The following INTU variants were observed in gnomAD, a reference collection of about 807,000 sequenced individuals.
INTU encodes the protein protein inturned.
Under a neutral mutation model 100.5 loss-of-function variants are expected in INTU, and 68 were observed. The ratio of observed to expected loss-of-function variants is 0.68; its 90% CI spans 0.56 to 0.83. INTU has a LOEUF of 0.83. INTU is among the 40% of genes least tolerant of loss of function. INTU has a pLI of 0.00. For missense variants in INTU, 1,071 were observed against 1,114.7 expected (o/e 0.96, Z 0.56); for synonymous variants, 357 against 395.7 (o/e 0.90, Z 1.16).
intron 8 of INTU, among the ~76,000 whole-genome samples, chr4:127,693,287 T>C (rs1188619107): frequency 1.3e-5 from 2 of 152,168 alleles, no homozygotes; most frequent in African/African-American, 4.8e-5. Context: ...TTTGTAGAGG[T>C]CTTTCACCTC....
Position 127,652,159 on chromosome 4 carries a change from C to G in INTU, c.683-4477C>G, listed in dbSNP as rs1471647406. On this transcript the variant is annotated intron_variant, in intron 2 of 15. Transcript: ENST00000335251. ...TTTTCTAGATATACAATCATGTCGTCTGCAAACAGGGACAATTTGACTTCC... is the reference window on the plus strand; with the variant it reads ...TTTTCTAGATATACAATCATGTCGTGTGCAAACAGGGACAATTTGACTTCC... Among the ~76,000 whole-genome samples, 102 of 128,054 alleles carry G rather than the reference C, an allele frequency of 8.0e-4. 1 individual carries two copies. Among genetic ancestry groups the G allele is most frequent in the African/African-American group, 3.0e-3 (95 of 31,626 alleles). 84.0% of individuals were successfully genotyped at this position (128,054 alleles called of 152,430 possible). A position where few individuals can be genotyped will look rare whatever the true frequency, so the allele number is the denominator to read the frequency against.
intron 9 of INTU, among the ~76,000 whole-genome samples, chr4:127,701,683 C>G (rs545175873): frequency 1.3e-5 from 2 of 151,994 alleles, no homozygotes; most frequent in African/African-American, 4.8e-5. Flanking sequence ...AAGCCATGGA[C>G]TGGTCATAGT....
intron 6 of INTU, among the ~76,000 whole-genome samples, chr4:127,682,011 C>G (rs921364892): frequency 6.7e-6 from 1 of 149,616 alleles, no homozygotes; most frequent in Non-Finnish European, 1.5e-5. Context: ...AAATGCTCAT[C>G]ATCACTGGCC....
At chr4:127,679,022 G>T (rs558178390) in intron 6 of INTU, among the ~76,000 whole-genome samples, 56 of 152,134 alleles carry the variant, frequency 3.7e-4, no homozygotes, top group African/African-American at 1.3e-3. Context: ...TTACATAATG[G>T]TAAAGGGATC....
chr4:127,633,650 A>G (rs923854047), intron 1 of INTU, among the ~76,000 whole-genome samples: 7 of 152,220 alleles, frequency 4.6e-5, no homozygotes, highest in African/African-American at 1.2e-4. Context: ...GAATAGCTAT[A>G]TAACAGAAGG....
At chr4:127,648,262 G>A (rs527253335) in intron 2 of INTU, among the ~76,000 whole-genome samples, 12 of 152,178 alleles carry the variant, frequency 7.9e-5, no homozygotes, top group Admixed American at 5.9e-4. Context: ...TGCGATGTCC[G>A]GGAAGCCAGC....
At chr4:127,705,938 A>T (rs1730862317) in intron 11 of INTU, 126 bp downstream of exon 11, 4 of 670,246 alleles carry the variant, frequency 6.0e-6, no homozygotes, top group Non-Finnish European at 1.0e-5. Flanking sequence ...ATACACAAAC[A>T]TGCTCATGTA....
intron 5 of INTU, among the ~76,000 whole-genome samples, 160 bp from the exon 6 acceptor site, chr4:127,673,964 T>G (rs1729053867): frequency 6.6e-6 from 1 of 152,016 alleles, no homozygotes; most frequent in African/African-American, 2.4e-5. Context: ...TGCTGTCATA[T>G]AATTCCTTGC....
chr4:127,676,483 G>A (rs1729189393), intron 6 of INTU, among the ~76,000 whole-genome samples: 1 of 152,012 alleles, frequency 6.6e-6, no homozygotes, highest in Admixed American at 6.6e-5. Flanking sequence ...CTACTTGGGA[G>A]GCTGAGGTGG....
chr4:127,705,797 G>A lies in INTU; in HGVS notation c.1773G>A (p.Leu591=), dbSNP rs769887403. The A allele has an allele frequency of 1.1e-5, 18 of 1,613,638 alleles. No individual in the cohort carries two copies. In the East Asian group the frequency reaches 3.8e-4, roughly 34 times the overall value. ...CGGAACCTGAAGGAAGATATTTTTT[G>A]CTAGTTGTTGGCTTGGTAAGTTTAC... The part of the protein sequence containing the change: ...VFPEPEGRYF[L]LVVGLKHYML... The change falls in exon 11 of 16, where the codon TTG becomes TTA. Residue 591 remains leucine, a synonymous_variant. Coordinates refer to ENST00000335251, the MANE Select transcript of INTU (RefSeq NM_015693.4).
In INTU at chr4:127,724,963, A is replaced by G. The variant is rs1240488038; in HGVS notation, c.*8527A>G. 6.6e-6 allele frequency: 1 copy of G among 151,956 alleles called. No individual in the cohort carries two copies. The highest frequency in any genetic ancestry group is 1.5e-5 in the Non-Finnish European group (1 of 68,008). The allele number at this position is 151,956 out of a possible 1,614,324, so 9.4% of individuals were successfully genotyped here. On this transcript the variant is annotated 3_prime_UTR_variant, in exon 16 of 16. Coordinates refer to ENST00000335251, the MANE Select transcript of INTU (RefSeq NM_015693.4). ...TTAATTTTGGCATTCAAATTAGGGT[A>G]AAAAACCTTGGTTCTTGAAATGCTA...
intron 9 of INTU, among the ~76,000 whole-genome samples, chr4:127,702,932 C>T (rs1208907462): frequency 6.6e-6 from 1 of 152,098 alleles, no homozygotes; most frequent in East Asian, 1.9e-4. Context: ...AGCATACCTC[C>T]TTTTACCTTC....
chr4:127,687,756 G>A lies in INTU; in HGVS notation c.1338G>A (p.Ala446=), dbSNP rs771492553. The A allele has an allele frequency of 4.0e-5, 64 of 1,613,362 alleles. No homozygotes were observed. The highest frequency in any genetic ancestry group is 1.1e-4 in the East Asian group (5 of 44,870). The change falls in exon 8 of 16, where the codon GCG becomes GCA. Residue 446 remains alanine, a synonymous_variant. Transcript: ENST00000335251. The part of the protein sequence containing the change: ...NLFFQRALQP[A]KLHSSASPSA... ...TCTTTCAAAGAGCACTTCAGCCTGC[G>A]AAACTGCATTCCAGCGCCAGTCCCA...
intron 2 of INTU, among the ~76,000 whole-genome samples, chr4:127,655,421 T>C (rs1416755955): frequency 6.7e-6 from 1 of 149,880 alleles, no homozygotes; most frequent in Non-Finnish European, 1.5e-5. Context: ...TCCTTTCTGT[T>C]TGTTAGTTTT....
chr4:127,694,463 C>G (rs1730293665), intron 8 of INTU, among the ~76,000 whole-genome samples: 1 of 151,934 alleles, frequency 6.6e-6, no homozygotes, highest in African/African-American at 2.4e-5. Flanking sequence ...TCTCTCTTTT[C>G]TTGGTTAATC....
Position 127,640,596 on chromosome 4 carries a change from T to TATAC in INTU, c.147-2924_147-2923insTACA, listed in dbSNP as rs1560825830. On this transcript the variant is annotated intron_variant, in intron 1 of 15. Coordinates refer to ENST00000335251, the MANE Select transcript of INTU (RefSeq NM_015693.4). ...ATATATATATATATATATATACATA[T>TATAC]ACATAAACACACATGTGTATATTGA... 1.4e-3 allele frequency among the ~76,000 whole-genome samples: 54 copies of TATAC among 39,854 alleles called. 2 individuals are homozygous for TATAC. Among genetic ancestry groups the TATAC allele is most frequent in the South Asian group, 3.3e-3 (2 of 598 alleles). The allele number at this position is 39,854 out of a possible 152,430, so 26.1% of individuals were successfully genotyped here. A position where few individuals can be genotyped will look rare whatever the true frequency, so the allele number is the denominator to read the frequency against.
rs951460909 is a variant in INTU, at chr4:127,656,688, G to A, written c.735G>A (p.Glu245=). 2 of 1,610,744 alleles carry A rather than the reference G, an allele frequency of 1.2e-6. No homozygotes were observed. The highest frequency in any genetic ancestry group is 2.7e-5 in the African/African-American group (2 of 74,906). ...NDVDVTTENI[E]RVLSCIPGPM... is the part of the protein sequence containing the mutation. Reference sequence around the variant, plus strand: ...TCGATGTTACTACTGAAAACATCGAGAGAGTTCTGTCTTGCATTCCTGGAC... The same window carrying A: ...TCGATGTTACTACTGAAAACATCGAAAGAGTTCTGTCTTGCATTCCTGGAC... The change falls in exon 3 of 16, where the codon GAG becomes GAA. Residue 245 remains glutamate (E), a synonymous_variant. Coordinates refer to ENST00000335251, the MANE Select transcript of INTU (RefSeq NM_015693.4).
rs1403158417 is a variant in INTU, at chr4:127,718,673, G to C, written c.*2237G>C. On this transcript the variant is annotated 3_prime_UTR_variant, in exon 16 of 16. Transcript: ENST00000335251. ...CTCTGGTTTCCTTGAGCCGTGGTTT[G>C]TAGTTCTCCTTGAAGAGGTCCTTCA... 1 of 152,090 alleles carries C rather than the reference G, an allele frequency of 6.6e-6. No individual in the cohort carries two copies. The highest frequency in any genetic ancestry group is 2.4e-5 in the African/African-American group (1 of 41,416). The allele number at this position is 152,090 out of a possible 1,614,324, so 9.4% of individuals were successfully genotyped here. A position where few individuals can be genotyped will look rare whatever the true frequency, so the allele number is the denominator to read the frequency against.
intron 8 of INTU, among the ~76,000 whole-genome samples, chr4:127,694,385 C>CT (rs1730290151): frequency 6.6e-6 from 1 of 151,996 alleles, no homozygotes; most frequent in South Asian, 2.1e-4. Flanking sequence ...CTTCAGTAAT[C>CT]TTTTGTATTG....
Sources: allele counts gnomAD v4.1 joint callset (sites outside exome capture counted in the v4.1 genomes callset), GRCh38; gene constraint gnomAD v4.1.1; transcripts MANE v1.5; gene names NCBI Gene and HGNC (gene_info 2026-07-23, HGNC 2026-07-21).